The following STIM2 variants were observed in gnomAD, a reference collection of about 807,000 sequenced individuals.
STIM2 encodes stromal interaction molecule 2.
STIM2 carries 31 observed loss-of-function variants against 85.8 expected under a neutral mutation model. That is an observed-to-expected ratio of 0.36 (90% confidence interval 0.27 to 0.49). The LOEUF is 0.49. STIM2 is among the 20% of genes least tolerant of loss of function. The probability of loss-of-function intolerance (pLI) is 0.98; values close to 1 mark genes in which losing one functional copy is unlikely to be tolerated. For synonymous variants in STIM2, 356 were observed against 331.1 expected, an observed-to-expected ratio of 1.08 and a Z score of -0.82; for missense variants, 841 against 927.6, an observed-to-expected ratio of 0.91 and a Z score of 1.21.
intron 2 of STIM2, among the ~76,000 whole-genome samples, chr4:26,948,171 A>G (rs1725914753): frequency 6.6e-6 from 1 of 152,178 alleles, no homozygotes; most frequent in Non-Finnish European, 1.5e-5. Flanking sequence ...TGGCCGTATT[A>G]TTCTCAGGTT....
intron 5 of STIM2, among the ~76,000 whole-genome samples, chr4:27,000,258 GT>G: frequency 6.6e-6 from 1 of 152,258 alleles, no homozygotes; most frequent in South Asian, 2.1e-4. Context: ...TTTACTGGTG[GT>G]TCTTTTTTGG....
At chr4:27,010,781 T>A (rs1335045465) in intron 10 of STIM2, among the ~76,000 whole-genome samples, 1 of 152,206 alleles carries the variant, frequency 6.6e-6, no homozygotes, top group Non-Finnish European at 1.5e-5. Context: ...TGTAACAATA[T>A]ACACAGAATA....
At chr4:27,003,915 A>T (rs191684073) in intron 7 of STIM2, among the ~76,000 whole-genome samples, 186 of 152,268 alleles carry the variant, frequency 1.2e-3, no homozygotes, top group Non-Finnish European at 2.0e-3. Flanking sequence ...CTGTGGTCTC[A>T]TCTCCTCCTT....
chr4:26,974,650 T>A (rs148133481), intron 3 of STIM2, among the ~76,000 whole-genome samples: 2,269 of 152,338 alleles, frequency 0.015, 53 homozygotes, highest in African/African-American at 0.052. Context: ...ACCCGACCTT[T>A]CTCTCTGGCT....
intron 10 of STIM2, among the ~76,000 whole-genome samples, chr4:27,015,317 T>G (rs937583109): frequency 1.3e-5 from 2 of 152,046 alleles, no homozygotes; most frequent in Non-Finnish European, 2.9e-5. Flanking sequence ...CGTTGTCTGG[T>G]ATTTTGTTTT....
intron 3 of STIM2, among the ~76,000 whole-genome samples, chr4:26,970,344 C>A (rs975118063): frequency 6.6e-6 from 1 of 151,776 alleles, no homozygotes; most frequent in African/African-American, 2.4e-5. Flanking sequence ...GTTTGCTGCA[C>A]CCATTAACTT....
chr4:26,875,430 GT>G (rs1417055064), intron 1 of STIM2, among the ~76,000 whole-genome samples: 1 of 151,996 alleles, frequency 6.6e-6, no homozygotes, highest in African/African-American at 2.4e-5. Flanking sequence ...CTTTAAGTTT[GT>G]TTTCAAGCAG....
At chr4:27,008,565 T>G (rs1728449683) in intron 9 of STIM2, 37 bp downstream of exon 9, 1 of 1,440,830 alleles carries the variant, frequency 6.9e-7, no homozygotes, top group Admixed American at 2.0e-5. Context: ...TGATTTATGT[T>G]TATTGTGTTA....
chr4:26,976,230 C>T (rs1287240135), intron 3 of STIM2, among the ~76,000 whole-genome samples: 1 of 152,120 alleles, frequency 6.6e-6, no homozygotes, highest in African/African-American at 2.4e-5. Flanking sequence ...TGCCCTGCTT[C>T]AGCTCGCCCT....
intron 1 of STIM2, among the ~76,000 whole-genome samples, chr4:26,892,478 C>T (rs1723530835): frequency 6.6e-6 from 1 of 152,176 alleles, no homozygotes; most frequent in African/African-American, 2.4e-5. Context: ...CCAAAGGTCT[C>T]AATTCCTATT....
rs758545658 is a variant in STIM2 at position 27,022,616 on chromosome 4, T to C, written c.1861T>C (p.Ser621Pro). The C allele has an allele frequency of 6.8e-6, 11 of 1,614,024 alleles. No homozygotes were observed. In the African/African-American group the frequency reaches 1.3e-4, roughly 20 times the overall value. Residue 621 changes from serine to proline, a missense_variant, in exon 12 of 12, where the codon TCT (serine) becomes CCT (proline). Coordinates refer to ENST00000467087, the MANE Select transcript of STIM2 (RefSeq NM_020860.4). ...AAGCCTCGAGATATACCAAACATTA[T>C]CTCCGCGAAAGATATCAAGAGATGA...
At chr4:26,902,098 T>G (rs1176447077) in intron 1 of STIM2, among the ~76,000 whole-genome samples, 1 of 151,958 alleles carries the variant, frequency 6.6e-6, no homozygotes, top group Non-Finnish European at 1.5e-5. Flanking sequence ...ACAGAAGTGG[T>G]GATGTGACCA....
chr4:26,928,300 C>T (rs1367916486), intron 2 of STIM2, among the ~76,000 whole-genome samples: 4 of 151,998 alleles, frequency 2.6e-5, no homozygotes, highest in Non-Finnish European at 4.4e-5. Context: ...CATAGCACAC[C>T]ACAATTACAA....
At chr4:26,974,038 C>T (rs1727082448) in intron 3 of STIM2, among the ~76,000 whole-genome samples, 1 of 152,146 alleles carries the variant, frequency 6.6e-6, no homozygotes, top group Non-Finnish European at 1.5e-5. Flanking sequence ...TCTGTTTTAT[C>T]AGAGACTAGG....
intron 1 of STIM2, among the ~76,000 whole-genome samples, chr4:26,891,926 T>G (rs1723505691): frequency 6.6e-6 from 1 of 152,198 alleles, no homozygotes; most frequent in South Asian, 2.1e-4. Flanking sequence ...CTATGTGTTG[T>G]GCGAGGGACC....
At chr4:26,940,482 C>T (rs1161601979) in intron 2 of STIM2, among the ~76,000 whole-genome samples, 3 of 152,132 alleles carry the variant, frequency 2.0e-5, no homozygotes, top group Admixed American at 6.6e-5. Flanking sequence ...TAGAAAGTCT[C>T]ATGCTGGACC....
intron 3 of STIM2, among the ~76,000 whole-genome samples, chr4:26,962,922 C>T (rs1039412612): frequency 2.0e-5 from 3 of 152,238 alleles, no homozygotes; most frequent in East Asian, 3.9e-4. Flanking sequence ...GGTAATCTTT[C>T]CATCCTGTTC....
At chr4:26,986,339 A>G (rs550900283) in intron 3 of STIM2, among the ~76,000 whole-genome samples, 5 of 152,290 alleles carry the variant, frequency 3.3e-5, no homozygotes, top group African/African-American at 1.2e-4. Context: ...TTTCCCCCAC[A>G]GTATTTAGGT....
At chr4:26,958,418 A>C (rs1357767766) in intron 3 of STIM2, among the ~76,000 whole-genome samples, 1 of 152,198 alleles carries the variant, frequency 6.6e-6, no homozygotes, top group Non-Finnish European at 1.5e-5. Context: ...TTATATTGTA[A>C]GCATATATTT....
Sources: gnomAD v4.1 joint callset for allele counts (sites outside exome capture counted in the v4.1 genomes callset) on GRCh38, gnomAD v4.1.1 for gene constraint, MANE v1.5 for transcripts, NCBI Gene and HGNC (gene_info 2026-07-23, HGNC 2026-07-21) for gene names.